BTBD9: variants seen among roughly 807,000 people sequenced by gnomAD.
BTBD9 encodes BTB/POZ domain-containing protein 9.
In BTBD9, 49 loss-of-function variants were observed where a neutral mutation model predicts 64.3. That is an observed-to-expected ratio of 0.76 (90% CI 0.61 to 0.97). The LOEUF (loss-of-function observed/expected upper bound fraction) is 0.97. BTBD9 is among the 50% of genes least tolerant of loss of function. BTBD9 has a pLI of 0.00. For missense variants in BTBD9, 598 were observed against 762.1 expected (o/e 0.78, Z 2.53); for synonymous variants, 260 against 274.7 (o/e 0.95, Z 0.53).
chr6:38,208,912 GGAATTAGT>G (rs890863788), intron 9 of BTBD9, among the ~76,000 whole-genome samples: 18 of 152,162 alleles, frequency 1.2e-4, no homozygotes, highest in Non-Finnish European at 2.6e-4. Context: ...AGGAGCTATG[GGAATTAGT>G]GATTGTTTTG....
chr6:38,334,575 A>AATAACATAAC lies in BTBD9; in HGVS notation c.1264+10399_1264+10408dup, dbSNP rs372624753. On this transcript the variant is annotated intron_variant, in intron 7 of 10. Coordinates refer to ENST00000481247, the MANE Select transcript of BTBD9 (RefSeq NM_001099272.2). ...CAGAGCGAGACTCCATCTCAAAAAT[A>AATAACATAAC]ATAACATAACATAACATAACATAAC... Among the ~76,000 whole-genome samples the AATAACATAAC allele has an allele frequency of 2.6e-3, 375 of 142,506 alleles. 1 individual carries two copies. Among genetic ancestry groups the AATAACATAAC allele is most frequent in the Middle Eastern group, 7.0e-3 (2 of 286 alleles). The allele number at this position is 142,506 out of a possible 152,430, so 93.5% of individuals were successfully genotyped here. A position where few individuals can be genotyped will look rare whatever the true frequency, so the allele number is the denominator to read the frequency against.
chr6:38,188,002 A>G (rs1488762162), intron 10 of BTBD9, among the ~76,000 whole-genome samples: 1 of 152,226 alleles, frequency 6.6e-6, no homozygotes, highest in Non-Finnish European at 1.5e-5. Flanking sequence ...ATTAGCATGC[A>G]GCAGACGGAG....
chr6:38,357,439 T>C (rs1562070979), intron 6 of BTBD9, among the ~76,000 whole-genome samples: 1 of 152,208 alleles, frequency 6.6e-6, no homozygotes, highest in Non-Finnish European at 1.5e-5. Context: ...TTTACTGTTA[T>C]TTTAGTGGAG....
chr6:38,304,712 T>G (rs1167815223), intron 7 of BTBD9, among the ~76,000 whole-genome samples: 2 of 152,172 alleles, frequency 1.3e-5, no homozygotes, highest in African/African-American at 2.4e-5. Flanking sequence ...ACTACAGGCA[T>G]GAACTACCAT....
intron 10 of BTBD9, among the ~76,000 whole-genome samples, chr6:38,176,838 C>T (rs191511770): frequency 6.6e-6 from 1 of 152,322 alleles, no homozygotes. Flanking sequence ...GTCGGCCACT[C>T]ATGGGTCACT....
At chr6:38,527,758 A>G (rs1773573971) in intron 6 of BTBD9, among the ~76,000 whole-genome samples, 2 of 143,044 alleles carry the variant, frequency 1.4e-5, no homozygotes, top group Admixed American at 7.0e-5. Context: ...AATCATAATC[A>G]GAAACCAATT....
chr6:38,236,354 A>G (rs1196422944), intron 9 of BTBD9, among the ~76,000 whole-genome samples: 2 of 152,172 alleles, frequency 1.3e-5, no homozygotes, highest in Non-Finnish European at 2.9e-5. Context: ...TATGACCTAG[A>G]CATTTCTAAA....
chr6:38,617,361 C>T (rs1777827030), intron 1 of BTBD9, among the ~76,000 whole-genome samples: 1 of 152,158 alleles, frequency 6.6e-6, no homozygotes, highest in Admixed American at 6.5e-5. Context: ...CTCCTGGGTC[C>T]CAATGCCTCT....
At chr6:38,600,864 C>G (rs1186082732) in intron 1 of BTBD9, among the ~76,000 whole-genome samples, 1 of 152,168 alleles carries the variant, frequency 6.6e-6, no homozygotes, top group African/African-American at 2.4e-5. Flanking sequence ...CATCTAATTT[C>G]ATTTTGCTAA....
intron 6 of BTBD9, among the ~76,000 whole-genome samples, chr6:38,403,875 T>C (rs902012182): frequency 8.5e-5 from 13 of 152,202 alleles, no homozygotes; most frequent in African/African-American, 3.1e-4. Context: ...TGTATATTCA[T>C]ACAATGGAAC....
chr6:38,188,616 CAG>C lies in BTBD9; in HGVS notation c.1641+3901_1641+3902del, dbSNP rs763442395. ...CAAACACTGAGTAGCTAAAGGGAAA[CAG>C]AGTGTTTCTCTGGCTCTGACTAAAA... On this transcript the variant is annotated intron_variant, in intron 10 of 10. Coordinates refer to ENST00000481247, the MANE Select transcript of BTBD9 (RefSeq NM_001099272.2). 3.9e-5 allele frequency among the ~76,000 whole-genome samples: 6 copies of C among 152,332 alleles called. 1 individual carries two copies. Among genetic ancestry groups the C allele is most frequent in the South Asian group, 4.1e-4 (2 of 4,828 alleles).
intron 1 of BTBD9, among the ~76,000 whole-genome samples, chr6:38,614,590 T>G (rs751091602): frequency 5.3e-5 from 8 of 152,216 alleles, no homozygotes; most frequent in Non-Finnish European, 1.2e-4. Flanking sequence ...CCCTCCCTAG[T>G]AAAAGCCTGT....
At chr6:38,310,548 A>C (rs1441264635) in intron 7 of BTBD9, among the ~76,000 whole-genome samples, 5 of 152,218 alleles carry the variant, frequency 3.3e-5, no homozygotes, top group Non-Finnish European at 7.3e-5. Flanking sequence ...GTGATGAAAA[A>C]AGTACAATAA....
At chr6:38,248,730 G>C (rs1324255401) in intron 9 of BTBD9, among the ~76,000 whole-genome samples, 1 of 152,184 alleles carries the variant, frequency 6.6e-6, no homozygotes, top group South Asian at 2.1e-4. Flanking sequence ...GGCACAGTTC[G>C]CTCTCCCTTC....
rs372522794 is a variant in BTBD9 at position 38,221,004 on chromosome 6, A to AC, written c.1563-28408dup. 1.4e-3 allele frequency among the ~76,000 whole-genome samples: 218 copies of AC among 152,314 alleles called. 1 individual carries two copies. Among genetic ancestry groups the AC allele is most frequent in the African/African-American group, 4.9e-3 (205 of 41,562 alleles). ...ATGATTTAGCACTGCTTTTCTTTCT[A>AC]CTCAACCAGGGTTACGAGCAGATCT... On this transcript the variant is annotated intron_variant, in intron 9 of 10. Coordinates refer to ENST00000481247, the MANE Select transcript of BTBD9 (RefSeq NM_001099272.2).
At chr6:38,297,822 C>T (rs905870741) in intron 7 of BTBD9, among the ~76,000 whole-genome samples, 8 of 151,034 alleles carry the variant, frequency 5.3e-5, no homozygotes, top group Non-Finnish European at 1.2e-4. Flanking sequence ...TACCTTTCTG[C>T]CCATTCTGCT....
intron 8 of BTBD9, among the ~76,000 whole-genome samples, chr6:38,274,105 C>T (rs938466229): frequency 6.6e-6 from 1 of 152,146 alleles, no homozygotes; most frequent in East Asian, 1.9e-4. Context: ...GTCCCTTGTA[C>T]GTTGGATTCC....
intron 7 of BTBD9, among the ~76,000 whole-genome samples, chr6:38,290,270 A>C (rs532126318): frequency 6.6e-6 from 1 of 151,792 alleles, no homozygotes; most frequent in Non-Finnish European, 1.5e-5. Context: ...AATTACCTGT[A>C]AGGACAGTTT....
At chr6:38,297,267 G>A (rs1392596047) in intron 7 of BTBD9, among the ~76,000 whole-genome samples, 2 of 152,190 alleles carry the variant, frequency 1.3e-5, no homozygotes, top group Non-Finnish European at 2.9e-5. Flanking sequence ...CCAAGAGGCT[G>A]AGGCAGGATA....
Sources: gnomAD v4.1 joint callset for allele counts (sites outside exome capture counted in the v4.1 genomes callset) on GRCh38, gnomAD v4.1.1 for gene constraint, MANE v1.5 for transcripts, NCBI Gene and HGNC (gene_info 2026-07-23, HGNC 2026-07-21) for gene names.